PSMF1: variants seen among roughly 807,000 people sequenced by gnomAD.
The protein encoded by PSMF1 is proteasome inhibitor PI31 subunit.
In PSMF1, 30 loss-of-function variants were observed where a neutral mutation model predicts 29.3. The observed-to-expected ratio is 1.02, with a 90% CI of 0.77 to 1.39. The LOEUF is 1.39. Ranked by LOEUF, PSMF1 falls within the 40% of genes most tolerant of loss-of-function variation. The pLI, the probability that PSMF1 is intolerant of heterozygous loss-of-function variation, is 0.00. For synonymous variants in PSMF1, 134 were observed against 139.7 expected, an observed-to-expected ratio of 0.96 and a Z score of 0.29; for missense variants, 344 against 357.5, an observed-to-expected ratio of 0.96 and a Z score of 0.31.
intron 1 of PSMF1, among the ~76,000 whole-genome samples, chr20:1,123,772 C>T (rs967700957): frequency 6.6e-6 from 1 of 152,204 alleles, no homozygotes; most frequent in Non-Finnish European, 1.5e-5. Context: ...GATTGCTCCC[C>T]GAAGGGGCTG....
intron 4 of PSMF1, among the ~76,000 whole-genome samples, chr20:1,157,268 A>G (rs572937585): frequency 6.6e-6 from 1 of 152,216 alleles, no homozygotes; most frequent in African/African-American, 2.4e-5. Flanking sequence ...ACACCCTCAC[A>G]GACACACCCA....
At chr20:1,143,626 G>A (rs553288368) in intron 4 of PSMF1, among the ~76,000 whole-genome samples, 2 of 152,274 alleles carry the variant, frequency 1.3e-5, no homozygotes, top group African/African-American at 4.8e-5. Context: ...TGCTAAATTG[G>A]ACTTCATTGA....
intron 3 of PSMF1, among the ~76,000 whole-genome samples, chr20:1,133,569 A>ATATATATATATATATATAT: frequency 9.4e-4 from 50 of 53,294 alleles, no homozygotes; most frequent in Admixed American, 1.6e-3. Context: ...ATATATATAT[A>ATATATATATATATATATAT]TTTTTTTTTT....
intron 3 of PSMF1, among the ~76,000 whole-genome samples, chr20:1,127,715 T>C (rs1339345913): frequency 6.6e-6 from 1 of 152,190 alleles, no homozygotes; most frequent in Admixed American, 6.5e-5. Context: ...AACAAGATGG[T>C]GCAGTCAAGA....
At chr20:1,137,844 A>G (rs569208177) in intron 4 of PSMF1, among the ~76,000 whole-genome samples, 3 of 152,360 alleles carry the variant, frequency 2.0e-5, no homozygotes, top group Admixed American at 2.0e-4. Flanking sequence ...TTTATCTGTT[A>G]GAGATATACA....
At chr20:1,126,007 A>G (rs565819214) in intron 2 of PSMF1, 93 of 462,430 alleles carry the variant, frequency 2.0e-4, no homozygotes, top group African/African-American at 1.8e-3. Flanking sequence ...TGCACTTTAC[A>G]TTTCCTATGC....
chr20:1,145,376 A>G (rs752630707), intron 4 of PSMF1, among the ~76,000 whole-genome samples: 1 of 152,142 alleles, frequency 6.6e-6, no homozygotes, highest in Admixed American at 6.5e-5. Flanking sequence ...AGGGATGAGC[A>G]ATGGACTGGG....
intron 4 of PSMF1, among the ~76,000 whole-genome samples, chr20:1,143,916 C>G (rs943027009): frequency 2.0e-5 from 3 of 152,050 alleles, no homozygotes; most frequent in African/African-American, 7.2e-5. Flanking sequence ...CATGGTGAAA[C>G]CGTGTCTCTT....
chr20:1,166,205 G>T lies in PSMF1; in HGVS notation c.*1125G>T, dbSNP rs780774146. 3 of 1,611,916 alleles carry T rather than the reference G, an allele frequency of 1.9e-6. No individual in the cohort carries two copies. The South Asian group carries it at 3.3e-5, about 18-fold the overall frequency. On this transcript the variant is annotated 3_prime_UTR_variant, in exon 7 of 7. Coordinates refer to ENST00000335877, the MANE Select transcript of PSMF1 (RefSeq NM_006814.5). ...TGTGTCCTGGCCCACCTGACCTTTG[G>T]TGTTCTCCGGATCCTTTTCAGCCCG... is the stretch of plus-strand genomic sequence containing the variant.
At chr20:1,154,701 T>C (rs1297957545) in intron 4 of PSMF1, among the ~76,000 whole-genome samples, 1 of 152,196 alleles carries the variant, frequency 6.6e-6, no homozygotes, top group African/African-American at 2.4e-5. Context: ...AACCTGCATT[T>C]TAGCAGGATC....
chr20:1,132,653 G>T lies in PSMF1; in HGVS notation c.366-2468G>T, dbSNP rs562589726. Among the ~76,000 whole-genome samples, 48 of 152,218 alleles carry T rather than the reference G, an allele frequency of 3.2e-4. No homozygotes were observed. The Middle Eastern group carries it at 0.01, about 32-fold the overall frequency. ...CCTTGCTAGGATTTTGATAGGAGTT[G>T]CATTAAACCTATAGATTAGTTTGGG... is the stretch of plus-strand genomic sequence containing the variant. On this transcript the variant is annotated intron_variant, in intron 3 of 6. Coordinates refer to ENST00000335877, the MANE Select transcript of PSMF1 (RefSeq NM_006814.5).
At chr20:1,145,882 A>G (rs1428164312) in intron 4 of PSMF1, among the ~76,000 whole-genome samples, 1 of 152,090 alleles carries the variant, frequency 6.6e-6, no homozygotes, top group Admixed American at 6.5e-5. Context: ...CTATCTCTGG[A>G]GTTTACCCCA....
intron 1 of PSMF1, among the ~76,000 whole-genome samples, chr20:1,123,222 G>A (rs1469440844): frequency 3.3e-5 from 5 of 152,154 alleles, no homozygotes; most frequent in South Asian, 2.1e-4. Flanking sequence ...TTCCCCAGAG[G>A]ATTTCTGAGC....
chr20:1,157,368 A>G (rs2086606862), intron 4 of PSMF1, among the ~76,000 whole-genome samples: 1 of 152,192 alleles, frequency 6.6e-6, no homozygotes, highest in African/African-American at 2.4e-5. Context: ...GAACTGATAC[A>G]CATCTCCTGA....
Position 1,165,077 on chromosome 20 carries a change from G to C in PSMF1, c.813G>C (p.Leu271=). ...LPPPGYDDMY[L] is the part of the protein sequence containing the mutation. ...CGCCGGGCTACGATGACATGTACCTGTGAAGGCCTCAAGAATGTAACATCC... is the reference window on the plus strand; with the variant it reads ...CGCCGGGCTACGATGACATGTACCTCTGAAGGCCTCAAGAATGTAACATCC... The change falls in exon 7 of 7, where the codon CTG becomes CTC. Residue 271 remains leucine (L), a synonymous_variant. Transcript: ENST00000335877. The C allele has an allele frequency of 6.2e-7, 1 of 1,614,134 alleles. No individual in the cohort carries two copies. The highest frequency in any genetic ancestry group is 8.5e-7 in the Non-Finnish European group (1 of 1,180,024).
At chr20:1,116,199 A>G (rs78096161), upstream of PSMF1, among the ~76,000 whole-genome samples, 659 of 152,328 alleles carry the variant, frequency 4.3e-3, 2 homozygotes, top group African/African-American at 0.015. Context: ...ATGAAAGTTT[A>G]TTGATGGAAT....
At chr20:1,134,885 C>A (rs1568469649) in intron 3 of PSMF1, 1 of 600,396 alleles carries the variant, frequency 1.7e-6, no homozygotes, top group Non-Finnish European at 3.0e-6. Flanking sequence ...GGGTGGTAAA[C>A]AAGGAGGGGC....
intron 1 of PSMF1, among the ~76,000 whole-genome samples, chr20:1,124,606 A>G (rs1214071851): frequency 6.6e-6 from 1 of 152,234 alleles, no homozygotes; most frequent in Non-Finnish European, 1.5e-5. Context: ...AGCATTGTTT[A>G]TAATAGCAAA....
Position 1,164,283 on chromosome 20 carries a change from C to T in PSMF1, c.606-35C>T, listed in dbSNP as rs2086701078. On this transcript the variant is annotated intron_variant, in intron 5 of 6. Coordinates refer to ENST00000335877, the MANE Select transcript of PSMF1 (RefSeq NM_006814.5). This position sits in a 1 kb window ranked among gnomAD's most constrained non-coding sequence, Gnocchi z 4.1. ...CCTTTTCTCCAAGGGCAGTCCTTGC[C>T]ACACCTGCTTACCTAACTTTTCTTC... 1 of 1,588,406 alleles carries T rather than the reference C, an allele frequency of 6.3e-7. No individual in the cohort carries two copies. Among genetic ancestry groups the T allele is most frequent in the African/African-American group, 1.3e-5 (1 of 74,304 alleles).
Sources: allele counts gnomAD v4.1 joint callset (sites outside exome capture counted in the v4.1 genomes callset), GRCh38; gene constraint gnomAD v4.1.1; non-coding constraint Gnocchi (gnomAD v3.1); transcripts MANE v1.5; gene names NCBI Gene and HGNC (gene_info 2026-07-23, HGNC 2026-07-21).